VPS35: variants seen among roughly 807,000 people sequenced by gnomAD.
VPS35 encodes the protein vacuolar protein sorting-associated protein 35.
VPS35 carries 21 observed loss-of-function variants against 98.1 expected under a neutral mutation model. That is an observed-to-expected ratio of 0.21 (90% confidence interval 0.15 to 0.31). The LOEUF (loss-of-function observed/expected upper bound fraction) is 0.31. VPS35 is among the 10% of genes least tolerant of loss of function. The pLI, the probability that VPS35 is intolerant of heterozygous loss-of-function variation, is 1.00. For synonymous variants in VPS35, 268 were observed against 318.2 expected (o/e 0.84, Z 1.68); for missense variants, 554 against 950.8 (o/e 0.58, Z 5.49).
rs1166649619 is a variant in VPS35 at position 46,658,302 on chromosome 16, T to C, written c.*2170A>G. On this transcript the variant is annotated 3_prime_UTR_variant, in exon 17 of 17. Transcript: ENST00000299138. Reference sequence around the variant, plus strand: ...TCTCCTGCACAAACCCTTACCATCTTCTGTAACTACAGGTCTGTCTTCACA... The same window carrying C: ...TCTCCTGCACAAACCCTTACCATCTCCTGTAACTACAGGTCTGTCTTCACA... 1 of 153,772 alleles carries C rather than the reference T, an allele frequency of 6.5e-6. No individual in the cohort carries two copies. Among genetic ancestry groups the C allele is most frequent in the Non-Finnish European group, 1.5e-5 (1 of 68,052 alleles). 9.5% of individuals were successfully genotyped at this position (153,772 alleles called of 1,614,324 possible).
intron 6 of VPS35, among the ~76,000 whole-genome samples, chr16:46,677,974 GTT>G (rs929397419): frequency 6.6e-6 from 1 of 152,162 alleles, no homozygotes; most frequent in East Asian, 1.9e-4. Context: ...AAGGTTCAGG[GTT>G]TTTTGTTTGC....
Position 46,674,587 on chromosome 16 carries a change from G to A in VPS35, c.988C>T (p.Gln330Ter), listed in dbSNP as rs767613694. Reference protein sequence around the residue: ...ADIKLFDIFSQQVATVIQSRQ... With the variant: ...ADIKLFDIFS ...ACCTGTATCACTGTAGCCACCTGCT[G>A]TGAAAATATATCAAAAAGTTTAATA... Residue 330 changes from glutamine (Q) to a stop codon, truncating the protein, a stop_gained, in exon 9 of 17, where the codon CAG (glutamine) becomes TAG (stop). Transcript: ENST00000299138. LOFTEE classifies it high-confidence loss of function. 2 of 1,611,880 alleles carry A rather than the reference G, an allele frequency of 1.2e-6. No individual in the cohort carries two copies. The highest frequency in any genetic ancestry group is 8.5e-7 in the Non-Finnish European group (1 of 1,179,074).
intron 1 of VPS35, among the ~76,000 whole-genome samples, chr16:46,687,224 A>C (rs542696541): frequency 6.6e-6 from 1 of 152,342 alleles, no homozygotes; most frequent in South Asian, 2.1e-4. Context: ...TCTTCAAACA[A>C]AGGTACAGAA....
Position 46,658,525 on chromosome 16 carries a change from AAG to A in VPS35, c.*1945_*1946del, listed in dbSNP as rs1302209424. 2 of 153,670 alleles carry A rather than the reference AAG, an allele frequency of 1.3e-5. No homozygotes were observed. The highest frequency in any genetic ancestry group is 4.8e-5 in the African/African-American group (2 of 41,456). 9.5% of individuals were successfully genotyped at this position (153,670 alleles called of 1,614,324 possible). On this transcript the variant is annotated 3_prime_UTR_variant, in exon 17 of 17. Coordinates refer to ENST00000299138, the MANE Select transcript of VPS35 (RefSeq NM_018206.6). ...TTGGGTTTACCTCAACCCAGAAAAT[AAG>A]AGATAATTTACACACTGTACTGACA... is the stretch of plus-strand genomic sequence containing the variant.
chr16:46,666,510 C>T (rs1408571751), intron 13 of VPS35, among the ~76,000 whole-genome samples: 4 of 152,104 alleles, frequency 2.6e-5, no homozygotes, highest in Non-Finnish European at 1.5e-5. Flanking sequence ...TCAGGTGAAC[C>T]GCCTGCTTCG....
In VPS35 at chr16:46,660,321, G is replaced by T; in HGVS notation, c.*151C>A. 1 of 809,808 alleles carries T rather than the reference G, an allele frequency of 1.2e-6. No individual in the cohort carries two copies. Among genetic ancestry groups the T allele is most frequent in the Non-Finnish European group, 2.0e-6 (1 of 512,292 alleles). The allele number at this position is 809,808 out of a possible 1,614,324, so 50.2% of individuals were successfully genotyped here. ...TTTTATTAAGGTCCTGAAGGTGAGT[G>T]TCCGGAGGTGCTGGGTAAAACACAT... is the stretch of plus-strand genomic sequence containing the variant. On this transcript the variant is annotated 3_prime_UTR_variant, in exon 17 of 17. Transcript: ENST00000299138.
At chr16:46,664,455 A>G (rs1190637898) in intron 13 of VPS35, among the ~76,000 whole-genome samples, 1 of 143,578 alleles carries the variant, frequency 7.0e-6, no homozygotes, top group Non-Finnish European at 1.5e-5. Context: ...CTGCATCTAG[A>G]CCTTATTTTC....
chr16:46,687,979 T>C (rs1309808180), intron 1 of VPS35, among the ~76,000 whole-genome samples: 1 of 152,212 alleles, frequency 6.6e-6, no homozygotes, highest in African/African-American at 2.4e-5. Flanking sequence ...CAAAACAATA[T>C]AAATGTCAAT....
At chr16:46,683,448 G>A (rs1167322512) in intron 2 of VPS35, 60 bp downstream of exon 2, 4 of 1,476,304 alleles carry the variant, frequency 2.7e-6, no homozygotes, top group African/African-American at 1.4e-5. Flanking sequence ...AGAAGACACT[G>A]CACATGCTTC....
chr16:46,661,940 T>A lies in VPS35; in HGVS notation c.2068-79A>T. The A allele has an allele frequency of 6.3e-7, 1 of 1,587,304 alleles. No homozygotes were observed. On this transcript the variant is annotated intron_variant, in intron 15 of 16. Coordinates refer to ENST00000299138, the MANE Select transcript of VPS35 (RefSeq NM_018206.6). This position sits in a 1 kb window ranked among gnomAD's most constrained non-coding sequence, Gnocchi z 4.3. ...CATACAAAGAAACACAACACTACCG[T>A]GGCTCTTTCGTGTTTTAAAGGGACA...
rs1434010281 is a variant in VPS35, at chr16:46,662,307, C to T, written c.2003G>A (p.Arg668Gln). Residue 668 changes from arginine to glutamine, a missense_variant, in exon 15 of 17, where the codon CGA (arginine) becomes CAA (glutamine). Around this residue, in one of 5 missense-constraint regions of VPS35, gnomAD observed 153 missense variants for 211.0 expected, o/e 0.73. Transcript: ENST00000299138. ...SKLLKKPDQG[R>Q]AVSTCAHLFW... ...GAGATGTGCACAGGTGCTCACAGCT[C>T]GGCCCTGATCAGGTTTCTTTAGAAG... 1.9e-6 allele frequency: 3 copies of T among 1,614,160 alleles called. No homozygotes were observed. The highest frequency in any genetic ancestry group is 2.5e-6 in the Non-Finnish European group (3 of 1,180,030).
At chr16:46,683,644 T>C (rs756929987) in intron 1 of VPS35, 38 bp from the exon 2 acceptor site, 38 of 1,514,776 alleles carry the variant, frequency 2.5e-5, no homozygotes, top group Non-Finnish European at 3.5e-5. Context: ...CTCAAGCACA[T>C]TCTTCTAGCA....
Position 46,663,116 on chromosome 16 carries a change from T to C in VPS35, c.1694A>G (p.His565Arg). Reference protein sequence around the residue: ...KKCQKIFSFAHQTISALIKAE... With the variant: ...KKCQKIFSFARQTISALIKAE... ...TTTGATCAAAGCACTGATAGTCTGG[T>C]GGGCAAATGAAAAAATCTTCTGGCA... The change falls in exon 14 of 17, where the codon CAC becomes CGC. Residue 565 changes from histidine (H) to arginine (R), a missense_variant. By Grantham distance (29) the His-to-Arg change is conservative. Around this residue, in one of 5 missense-constraint regions of VPS35, gnomAD observed 254 missense variants for 390.1 expected, o/e 0.65. Coordinates refer to ENST00000299138, the MANE Select transcript of VPS35 (RefSeq NM_018206.6). 6.2e-7 allele frequency: 1 copy of C among 1,614,192 alleles called. No individual in the cohort carries two copies. The highest frequency in any genetic ancestry group is 2.2e-5 in the East Asian group (1 of 44,890).
Position 46,661,946 on chromosome 16 carries a change from T to C in VPS35, c.2068-85A>G. 1 of 1,575,678 alleles carries C rather than the reference T, an allele frequency of 6.3e-7. No homozygotes were observed. The highest frequency in any genetic ancestry group is 8.7e-7 in the Non-Finnish European group (1 of 1,150,346). On this transcript the variant is annotated intron_variant, in intron 15 of 16. Coordinates refer to ENST00000299138, the MANE Select transcript of VPS35 (RefSeq NM_018206.6). This position sits in a 1 kb window ranked among gnomAD's most constrained non-coding sequence, Gnocchi z 4.3. The stretch of plus-strand genomic sequence containing the variant: ...AAGAAACACAACACTACCGTGGCTC[T>C]TTCGTGTTTTAAAGGGACATAACAA...
intron 13 of VPS35, among the ~76,000 whole-genome samples, chr16:46,665,528 G>A (rs1167674350): frequency 6.7e-6 from 1 of 148,698 alleles, no homozygotes; most frequent in Non-Finnish European, 1.5e-5. Flanking sequence ...CTAAGAGTTC[G>A]AAGCTGCAGT....
chr16:46,686,220 C>T (rs1289806313), intron 1 of VPS35, among the ~76,000 whole-genome samples: 4 of 152,146 alleles, frequency 2.6e-5, no homozygotes, highest in Non-Finnish European at 4.4e-5. Flanking sequence ...GAATTTCCCT[C>T]CTTTTAAAAA....
rs762118625 is a variant in VPS35, at chr16:46,660,505, G to A, written c.2358C>T (p.Ser786=). ...HLRLRRESPE[S]EGPIYEGLIL ...TGAGACCTTCATAAATTGGCCCCTC[G>A]GATTCTGGTGATTCCCGCCGCAAGC... The change falls in exon 17 of 17, where the codon TCC becomes TCT. Residue 786 remains serine, a synonymous_variant. Coordinates refer to ENST00000299138, the MANE Select transcript of VPS35 (RefSeq NM_018206.6). The A allele has an allele frequency of 1.9e-5, 30 of 1,613,812 alleles. No individual in the cohort carries two copies. The South Asian group carries it at 3.0e-4, about 16-fold the overall frequency.
At position 46,658,813 on chromosome 16, in the gene VPS35, A is replaced by T. The variant is rs1965866354; in HGVS notation, c.*1659T>A. ...GGAAACATCTGTTCATGTAAAGCCC[A>T]GCAAGGGCTAGTCATCAAGTGCTAG... is the stretch of plus-strand genomic sequence containing the variant. On this transcript the variant is annotated 3_prime_UTR_variant, in exon 17 of 17. Coordinates refer to ENST00000299138, the MANE Select transcript of VPS35 (RefSeq NM_018206.6). 6.6e-6 allele frequency: 1 copy of T among 152,272 alleles called. No homozygotes were observed. Among genetic ancestry groups the T allele is most frequent in the Admixed American group, 6.5e-5 (1 of 15,286 alleles). 9.4% of individuals were successfully genotyped at this position (152,272 alleles called of 1,614,324 possible).
chr16:46,680,507 T>C (rs1367769100), intron 5 of VPS35, among the ~76,000 whole-genome samples, 164 bp downstream of exon 5: 1 of 152,230 alleles, frequency 6.6e-6, no homozygotes, highest in African/African-American at 2.4e-5. Flanking sequence ...CCACATATAC[T>C]GAGGAGTTCT....
Sources: allele counts gnomAD v4.1 joint callset (sites outside exome capture counted in the v4.1 genomes callset), GRCh38; gene constraint gnomAD v4.1.1; regional missense constraint gnomAD v4.1.1; non-coding constraint Gnocchi (gnomAD v3.1); transcripts MANE v1.5; gene names NCBI Gene and HGNC (gene_info 2026-07-23, HGNC 2026-07-21).